ELAVL2: variants seen among roughly 807,000 people sequenced by gnomAD.
ELAVL2 encodes ELAV-like protein 2.
A neutral mutation model predicts 34.6 loss-of-function variants in ELAVL2; 4 were observed. The observed-to-expected ratio is 0.12, with a 90% CI of 0.06 to 0.26. The LOEUF (loss-of-function observed/expected upper bound fraction) is 0.26. ELAVL2 is among the 10% of genes least tolerant of loss of function. The pLI is 1.00. For missense variants in ELAVL2, 432 were observed against 442.8 expected, an observed-to-expected ratio of 0.98 and a Z score of 0.22; for synonymous variants, 193 against 154.8, an observed-to-expected ratio of 1.25 and a Z score of -1.83.
chr9:23,701,822 A>G (rs2037346083), intron 4 of ELAVL2, among the ~76,000 whole-genome samples: 1 of 152,214 alleles, frequency 6.6e-6, no homozygotes, highest in Admixed American at 6.5e-5. Context: ...CGTGTCACTT[A>G]CATAATCTGA....
chr9:23,694,578 G>A lies in ELAVL2; in HGVS notation c.714-1092C>T, dbSNP rs186025722. ...GGTGAGAATTTTTTCTTTAACACCC[G>A]TGAAAGGTAAGTTTGAAAAGTCTCA... is the stretch of plus-strand genomic sequence containing the variant. On this transcript the variant is annotated intron_variant, in intron 5 of 6. Transcript: ENST00000397312. Among the ~76,000 whole-genome samples the A allele has an allele frequency of 1.1e-3, 173 of 152,276 alleles. 1 individual carries two copies. Among genetic ancestry groups the A allele is most frequent in the Non-Finnish European group, 1.6e-3 (109 of 68,022 alleles).
intron 1 of ELAVL2, among the ~76,000 whole-genome samples, chr9:23,807,882 T>C (rs935522758): frequency 6.6e-6 from 1 of 152,188 alleles, no homozygotes; most frequent in Admixed American, 6.5e-5. Flanking sequence ...GAATAAAGGA[T>C]TTAGACAATG....
chr9:23,757,786 G>A (rs891954484), intron 2 of ELAVL2, among the ~76,000 whole-genome samples: 2 of 151,966 alleles, frequency 1.3e-5, no homozygotes, highest in African/African-American at 4.8e-5. Flanking sequence ...CTAGAGAGAA[G>A]ATTATTGTAT....
chr9:23,787,074 CAG>C (rs1046880667), intron 1 of ELAVL2, among the ~76,000 whole-genome samples: 3 of 152,034 alleles, frequency 2.0e-5, no homozygotes, highest in Admixed American at 1.3e-4. Context: ...GAAAGGGCAA[CAG>C]ATATATATAC....
intron 2 of ELAVL2, among the ~76,000 whole-genome samples, chr9:23,754,574 T>A (rs1319263100): frequency 6.6e-6 from 1 of 152,138 alleles, no homozygotes; most frequent in African/African-American, 2.4e-5. Context: ...TTCTCCCACC[T>A]CAGCCTTGTG....
chr9:23,779,399 A>G, intron 1 of ELAVL2: 3 of 985,386 alleles, frequency 3.0e-6, no homozygotes, highest in Non-Finnish European at 3.6e-6. Context: ...AACACTGGCT[A>G]TTTATAGCAC....
chr9:23,793,290 G>T (rs549186622), intron 1 of ELAVL2, among the ~76,000 whole-genome samples: 1 of 152,200 alleles, frequency 6.6e-6, no homozygotes, highest in South Asian at 2.1e-4. Flanking sequence ...ATCATGCCAG[G>T]TACTTACACA....
intron 1 of ELAVL2, among the ~76,000 whole-genome samples, chr9:23,792,376 C>G (rs933075129): frequency 1.3e-5 from 2 of 152,186 alleles, no homozygotes; most frequent in Non-Finnish European, 2.9e-5. Flanking sequence ...CATGCCCCCT[C>G]GCTTTTGAAT....
At chr9:23,738,020 T>C (rs2135005788) in intron 2 of ELAVL2, among the ~76,000 whole-genome samples, 1 of 152,334 alleles carries the variant, frequency 6.6e-6, no homozygotes, top group Non-Finnish European at 1.5e-5. Context: ...CTGATATCCT[T>C]CTCTCTCCTC....
intron 1 of ELAVL2, among the ~76,000 whole-genome samples, chr9:23,808,216 C>T (rs1333475336): frequency 6.9e-6 from 1 of 145,714 alleles, no homozygotes; most frequent in Non-Finnish European, 1.5e-5. Context: ...AATCACCTCC[C>T]ACACTGTGTT....
At chr9:23,734,299 T>C (rs2047301024) in intron 2 of ELAVL2, among the ~76,000 whole-genome samples, 2 of 152,338 alleles carry the variant, frequency 1.3e-5, no homozygotes, top group Non-Finnish European at 1.5e-5. Flanking sequence ...CTCCCCATTC[T>C]CACCTTTTAG....
rs1373169728 is a variant in ELAVL2 at position 23,759,253 on chromosome 9, T to G, written c.229+2753A>C. Among the ~76,000 whole-genome samples the G allele has an allele frequency of 2.0e-5, 3 of 151,970 alleles. No homozygotes were observed. In the South Asian group the frequency reaches 6.2e-4, roughly 32 times the overall value. On this transcript the variant is annotated intron_variant, in intron 2 of 6. Transcript: ENST00000397312. ...CATTCAGCCACAAAAAAGAATGAAA[T>G]TCTGTCATTTCCAGAAACATGGGTC...
chr9:23,834,925 A>G, the ELAVL2 span, among the ~76,000 whole-genome samples: 1 of 152,110 alleles, frequency 6.6e-6, no homozygotes, highest in African/African-American at 2.4e-5. Flanking sequence ...ACCTTTTATC[A>G]CAAAAAGCTC....
At chr9:23,791,211 A>C (rs1484481765) in intron 1 of ELAVL2, among the ~76,000 whole-genome samples, 1 of 152,224 alleles carries the variant, frequency 6.6e-6, no homozygotes, top group Non-Finnish European at 1.5e-5. Flanking sequence ...ATGGAAAAGA[A>C]ATCTCCAGGT....
chr9:23,770,985 A>G (rs2057204275), intron 1 of ELAVL2, among the ~76,000 whole-genome samples: 1 of 152,212 alleles, frequency 6.6e-6, no homozygotes, highest in African/African-American at 2.4e-5. Flanking sequence ...GCCGGAACAC[A>G]TAGGGCCTTG....
chr9:23,833,690 A>T, the ELAVL2 span, among the ~76,000 whole-genome samples: 29 of 151,914 alleles, frequency 1.9e-4, no homozygotes, highest in Admixed American at 2.0e-4. Context: ...TTCATTATAA[A>T]TGATGAAAAA....
rs572337797 is a variant in ELAVL2 at position 23,776,929 on chromosome 9, CCTCA to C, written c.-15-14684_-15-14681del. On this transcript the variant is annotated intron_variant, in intron 1 of 6. Coordinates refer to ENST00000397312, the MANE Select transcript of ELAVL2 (RefSeq NM_004432.5). ...TACTGAACATTAAAGTGGACTTCTG[CCTCA>C]CTAAGAAAATTTTAAATTATAAAGA... Among the ~76,000 whole-genome samples, 475 of 152,120 alleles carry C rather than the reference CCTCA, an allele frequency of 3.1e-3. 3 individuals carry two copies. Among genetic ancestry groups the C allele is most frequent in the African/African-American group, 0.011 (441 of 41,522 alleles).
At chr9:23,817,657 A>G (rs2063904125) in intron 1 of ELAVL2, among the ~76,000 whole-genome samples, 1 of 152,218 alleles carries the variant, frequency 6.6e-6, no homozygotes, top group Non-Finnish European at 1.5e-5. Flanking sequence ...AATGGAATAC[A>G]AGCTTAGAGA....
chr9:23,701,593 C>A lies in ELAVL2; in HGVS notation c.499G>T (p.Gly167Cys), dbSNP rs748871054. 1 of 1,613,996 alleles carries A rather than the reference C, an allele frequency of 6.2e-7. No individual in the cohort carries two copies. The highest frequency in any genetic ancestry group is 1.1e-5 in the South Asian group (1 of 91,068). The change falls in exon 5 of 7, where the codon GGT becomes TGT. Residue 167 changes from glycine to cysteine, a missense_variant. Transcript: ENST00000397312. Reference sequence around the variant, plus strand: ...TTGTCAAATCGAATAAACCCTACACCCCTTGATATGCCTATGGTAGATTTG... The same window carrying A: ...TTGTCAAATCGAATAAACCCTACACACCTTGATATGCCTATGGTAGATTTG... ...LVDQVTGISR[G>C]VGFIRFDKRI...
Sources: allele counts gnomAD v4.1 joint callset (sites outside exome capture counted in the v4.1 genomes callset), GRCh38; gene constraint gnomAD v4.1.1; transcripts MANE v1.5; gene names NCBI Gene and HGNC (gene_info 2026-07-23, HGNC 2026-07-21).